Variants in B3GALT1 observed in about 807,000 individuals in gnomAD.
B3GALT1 encodes beta-1,3-galactosyltransferase 1, also known as UDP-Gal:betaGlcNAc beta 1,3-galactosyltransferase, polypeptide 1.
In B3GALT1, 10 loss-of-function variants were observed where a neutral mutation model predicts 23.2. That is an observed-to-expected ratio of 0.43 (90% CI 0.27 to 0.73). B3GALT1 has a LOEUF of 0.73. Among genes scored for constraint, B3GALT1 ranks in the 30% least tolerant of loss-of-function variants. B3GALT1 has a pLI of 0.21. For missense variants in B3GALT1, 299 were observed against 405.4 expected, an observed-to-expected ratio of 0.74 and a Z score of 2.25; for synonymous variants, 156 against 141.5, an observed-to-expected ratio of 1.10 and a Z score of -0.73.
chr2:167,849,762 C>T (rs1236598326), intron 4 of B3GALT1, among the ~76,000 whole-genome samples: 11 of 151,748 alleles, frequency 7.2e-5, no homozygotes, highest in African/African-American at 2.7e-4. Context: ...TGGTGGCAGG[C>T]GCCTGTAGTC....
At chr2:167,513,909 T>C (rs547905644) in intron 2 of B3GALT1, among the ~76,000 whole-genome samples, 2 of 152,288 alleles carry the variant, frequency 1.3e-5, no homozygotes, top group African/African-American at 4.8e-5. Context: ...TGTATATTTA[T>C]TTATTTATTT....
At chr2:167,867,097 T>G (rs975748590) in intron 4 of B3GALT1, among the ~76,000 whole-genome samples, 2 of 152,278 alleles carry the variant, frequency 1.3e-5, no homozygotes, top group East Asian at 3.9e-4. Flanking sequence ...TGGCTAATTT[T>G]TTGTATTTTT....
At chr2:167,432,877 T>A (rs1292891258) in intron 1 of B3GALT1, among the ~76,000 whole-genome samples, 1 of 152,178 alleles carries the variant, frequency 6.6e-6, no homozygotes, top group Non-Finnish European at 1.5e-5. Flanking sequence ...ATTATCAACA[T>A]CTTGCAGCAG....
intron 2 of B3GALT1, among the ~76,000 whole-genome samples, chr2:167,629,798 C>G (rs963558763): frequency 6.6e-6 from 1 of 151,746 alleles, no homozygotes; most frequent in Non-Finnish European, 1.5e-5. Context: ...CTGCTTTATA[C>G]CTTGGCAGAT....
intron 3 of B3GALT1, among the ~76,000 whole-genome samples, chr2:167,662,181 A>G (rs565118082): frequency 6.6e-6 from 1 of 152,044 alleles, no homozygotes; most frequent in Non-Finnish European, 1.5e-5. Context: ...TAATAACATT[A>G]TTGTTGCCCC....
chr2:167,458,614 T>G (rs1189942921), intron 1 of B3GALT1, among the ~76,000 whole-genome samples: 2 of 152,324 alleles, frequency 1.3e-5, no homozygotes, highest in East Asian at 3.9e-4. Flanking sequence ...TCATAAACAC[T>G]TGCTATTTTC....
At chr2:167,826,273 A>G (rs1689223902) in intron 4 of B3GALT1, among the ~76,000 whole-genome samples, 1 of 152,058 alleles carries the variant, frequency 6.6e-6, no homozygotes, top group South Asian at 2.1e-4. Context: ...GATCCTCTCC[A>G]GCCTCAACCT....
chr2:167,840,740 G>A (rs1425557397), intron 4 of B3GALT1, among the ~76,000 whole-genome samples: 17 of 150,202 alleles, frequency 1.1e-4, no homozygotes, highest in Admixed American at 4.0e-4. Flanking sequence ...TGTTTATTGC[G>A]GCACTATTCA....
At chr2:167,551,008 C>T (rs1201291342) in intron 2 of B3GALT1, among the ~76,000 whole-genome samples, 2 of 152,088 alleles carry the variant, frequency 1.3e-5, no homozygotes, top group African/African-American at 4.8e-5. Context: ...GCCCACAGAC[C>T]TCTACTGGAT....
intron 1 of B3GALT1, among the ~76,000 whole-genome samples, chr2:167,434,700 T>A (rs1189420239): frequency 7.0e-6 from 1 of 142,216 alleles, no homozygotes. Flanking sequence ...CATAACTTAA[T>A]CTATGAATGA....
chr2:167,646,438 T>G (rs1685749353), intron 2 of B3GALT1, among the ~76,000 whole-genome samples: 1 of 152,238 alleles, frequency 6.6e-6, no homozygotes, highest in Non-Finnish European at 1.5e-5. Flanking sequence ...TTCCTTCTCC[T>G]AGTGCCTGCC....
rs1422932467 is a variant in B3GALT1 at position 167,869,574 on chromosome 2, G to A, written c.535G>A (p.Asp179Asn). The A allele has an allele frequency of 1.2e-6, 2 of 1,614,064 alleles. No individual in the cohort carries two copies. The highest frequency in any genetic ancestry group is 1.1e-5 in the South Asian group (1 of 91,072). ...CAAGTATGTCATGAAAACAGACAGCGACATTTTTGTAAACATGGACAATCT... is the reference window on the plus strand; with the variant it reads ...CAAGTATGTCATGAAAACAGACAGCAACATTTTTGTAAACATGGACAATCT... ...KAKYVMKTDS[D>N]IFVNMDNLIY... Residue 179 changes from aspartate to asparagine, a missense_variant, in exon 5 of 5, where the codon GAC becomes AAC. This residue lies in a region of B3GALT1 where 133 missense variants were observed against 204.8 expected (regional missense o/e 0.65). Coordinates refer to ENST00000392690, the MANE Select transcript of B3GALT1 (RefSeq NM_020981.4). This position sits in a 1 kb window ranked among gnomAD's most constrained non-coding sequence, Gnocchi z 6.4.
At chr2:167,862,646 A>G (rs549222781) in intron 4 of B3GALT1, 3 of 152,434 alleles carry the variant, frequency 2.0e-5, no homozygotes, top group Admixed American at 2.0e-4. Flanking sequence ...GAAGATGGAC[A>G]TGAAGCTGGC....
At chr2:167,783,646 C>T (rs1273580544) in intron 3 of B3GALT1, among the ~76,000 whole-genome samples, 1 of 152,156 alleles carries the variant, frequency 6.6e-6, no homozygotes, top group African/African-American at 2.4e-5. Flanking sequence ...TAAGCACAGG[C>T]TGGAAGAGGA....
At chr2:167,786,878 A>C (rs1688352068) in intron 3 of B3GALT1, among the ~76,000 whole-genome samples, 1 of 151,760 alleles carries the variant, frequency 6.6e-6, no homozygotes, top group Non-Finnish European at 1.5e-5. Flanking sequence ...AGACACGGAG[A>C]TTCTGATTTA....
intron 3 of B3GALT1, among the ~76,000 whole-genome samples, chr2:167,658,101 TATGTGC>T: frequency 6.6e-6 from 1 of 152,264 alleles, no homozygotes; most frequent in South Asian, 2.1e-4. Flanking sequence ...ATTTGGTAAG[TATGTGC>T]TATGTGCCTA....
intron 2 of B3GALT1, among the ~76,000 whole-genome samples, chr2:167,555,635 G>A (rs1392257202): frequency 1.3e-5 from 2 of 152,082 alleles, no homozygotes; most frequent in African/African-American, 4.8e-5. Flanking sequence ...GACTGTGAAG[G>A]GGAAAGAAAA....
intron 3 of B3GALT1, among the ~76,000 whole-genome samples, chr2:167,789,549 T>A (rs1485859565): frequency 6.6e-6 from 1 of 152,076 alleles, no homozygotes; most frequent in Non-Finnish European, 1.5e-5. Context: ...ATGATGATGG[T>A]GATAGTTATA....
chr2:167,578,149 A>G (rs945998913), intron 2 of B3GALT1, among the ~76,000 whole-genome samples: 1 of 151,944 alleles, frequency 6.6e-6, no homozygotes, highest in African/African-American at 2.4e-5. Context: ...CATGTGAGCA[A>G]TTACTCTTGT....
Sources: gnomAD v4.1 joint callset for allele counts (sites outside exome capture counted in the v4.1 genomes callset) on GRCh38, gnomAD v4.1.1 for gene constraint, gnomAD v4.1.1 regional missense constraint, Gnocchi (gnomAD v3.1) non-coding constraint, MANE v1.5 for transcripts, NCBI Gene and HGNC (gene_info 2026-07-23, HGNC 2026-07-21) for gene names.